NELL2: variants seen among roughly 807,000 people sequenced by gnomAD.
NELL2 encodes the protein protein kinase C-binding protein NELL2.
NELL2 carries 41 observed loss-of-function variants against 109.6 expected under a neutral mutation model. The ratio of observed to expected loss-of-function variants is 0.37; its 90% CI spans 0.29 to 0.49. The LOEUF is 0.49. Among genes scored for constraint, NELL2 ranks in the 20% least tolerant of loss-of-function variants. NELL2 has a pLI of 0.98. For synonymous variants in NELL2, 355 were observed against 344.7 expected, an observed-to-expected ratio of 1.03 and a Z score of -0.33; for missense variants, 900 against 1,008.3, an observed-to-expected ratio of 0.89 and a Z score of 1.45.
At chr12:44,758,482 CAAT>C (rs1178080491) in intron 9 of NELL2, among the ~76,000 whole-genome samples, 2 of 152,152 alleles carry the variant, frequency 1.3e-5, no homozygotes, top group Non-Finnish European at 2.9e-5. Context: ...TGCGCAAGCA[CAAT>C]AATCTCAACT....
At position 44,779,386 on chromosome 12, in the gene NELL2, T is replaced by G. The variant is rs148030634; in HGVS notation, c.606+277A>C. Among the ~76,000 whole-genome samples, 616 of 152,290 alleles carry G rather than the reference T, an allele frequency of 4.0e-3. 13 individuals carry two copies. The highest frequency in any genetic ancestry group is 0.028 in the East Asian group (146 of 5,180). The stretch of plus-strand genomic sequence containing the variant: ...TGTATGTTAACATTTTAGATTTTTA[T>G]TGCTTTGAAAGGTTAATTCAAAGAA... On this transcript the variant is annotated intron_variant, in intron 5 of 19. Transcript: ENST00000429094.
chr12:44,663,329 C>T (rs1000746739), intron 13 of NELL2, among the ~76,000 whole-genome samples: 2 of 151,822 alleles, frequency 1.3e-5, no homozygotes, highest in African/African-American at 4.8e-5. Context: ...AAAAAAAATC[C>T]AAGTTTTGTG....
intron 11 of NELL2, 36 bp from the exon 12 acceptor site, chr12:44,703,890 A>G (rs1203303580): frequency 6.4e-7 from 1 of 1,559,700 alleles, no homozygotes; most frequent in Non-Finnish European, 8.7e-7. Flanking sequence ...AAGGTAAATG[A>G]AACTATGACA....
intron 11 of NELL2, among the ~76,000 whole-genome samples, chr12:44,709,371 A>G (rs1434330842): frequency 6.6e-6 from 1 of 152,152 alleles, no homozygotes; most frequent in African/African-American, 2.4e-5. Flanking sequence ...TAGATTACGT[A>G]GAGAGGGAGG....
intron 15 of NELL2, among the ~76,000 whole-genome samples, chr12:44,587,271 C>CAAAAAA (rs1194091069): frequency 0.13 from 3,405 of 25,404 alleles, 289 homozygotes; most frequent in Middle Eastern, 0.21. Context: ...GACTCCGTCT[C>CAAAAAA]AAAAAAAAAA....
At chr12:44,637,351 C>A (rs1293555410) in intron 13 of NELL2, among the ~76,000 whole-genome samples, 1 of 150,424 alleles carries the variant, frequency 6.6e-6, no homozygotes, top group Non-Finnish European at 1.5e-5. Context: ...TGACCACCTA[C>A]CCTATATGAG....
chr12:44,862,570 T>C (rs573950895), intron 2 of NELL2, among the ~76,000 whole-genome samples: 5 of 152,360 alleles, frequency 3.3e-5, no homozygotes, highest in African/African-American at 1.2e-4. Context: ...TATTTTCACA[T>C]TGAAAATCAG....
chr12:44,538,155 T>C (rs1383962287), intron 15 of NELL2, among the ~76,000 whole-genome samples: 4 of 152,204 alleles, frequency 2.6e-5, no homozygotes, highest in Non-Finnish European at 5.9e-5. Flanking sequence ...CAGAACCCTT[T>C]CAACTCCAAG....
intron 12 of NELL2, 72 bp from the exon 13 acceptor site, chr12:44,665,681 T>C: frequency 6.9e-7 from 1 of 1,458,894 alleles, no homozygotes; most frequent in Non-Finnish European, 9.2e-7. Context: ...TTTTCTTTGG[T>C]AGGGAGAGGG....
At chr12:44,873,572 T>C (rs1341581351) in intron 2 of NELL2, among the ~76,000 whole-genome samples, 1 of 152,140 alleles carries the variant, frequency 6.6e-6, no homozygotes, top group Non-Finnish European at 1.5e-5. Flanking sequence ...TAATAAAATT[T>C]AAAGGAGCTT....
chr12:44,669,788 T>C (rs138515090), intron 12 of NELL2, among the ~76,000 whole-genome samples: 70 of 152,238 alleles, frequency 4.6e-4, no homozygotes, highest in African/African-American at 1.5e-3. Flanking sequence ...TAACTAAAAT[T>C]TGAATTTTGG....
intron 13 of NELL2, among the ~76,000 whole-genome samples, chr12:44,620,516 C>T (rs1268014140): frequency 6.6e-6 from 1 of 152,108 alleles, no homozygotes; most frequent in Non-Finnish European, 1.5e-5. Context: ...CATTTCCATC[C>T]TCAGCACATT....
At chr12:44,822,229 A>G (rs1943569745) in intron 2 of NELL2, among the ~76,000 whole-genome samples, 1 of 152,154 alleles carries the variant, frequency 6.6e-6, no homozygotes, top group African/African-American at 2.4e-5. Flanking sequence ...CATAGCATGT[A>G]GTAAAGACCA....
intron 9 of NELL2, among the ~76,000 whole-genome samples, chr12:44,755,319 A>G (rs10880672): frequency 0.69 from 104,337 of 151,582 alleles, 36,199 homozygotes; most frequent in Non-Finnish European, 0.74. Flanking sequence ...CCCACAAAAA[A>G]TATCTGCTCT....
chr12:44,660,511 T>G (rs1180189825), intron 13 of NELL2, among the ~76,000 whole-genome samples: 1 of 152,170 alleles, frequency 6.6e-6, no homozygotes, highest in Non-Finnish European at 1.5e-5. Context: ...ATCCCAGTAG[T>G]AACCGCTTCC....
rs563008829 is a variant in NELL2, at chr12:44,665,788, T to C, written c.1319-179A>G. Among the ~76,000 whole-genome samples, 39 of 152,356 alleles carry C rather than the reference T, an allele frequency of 2.6e-4. 2 individuals are homozygous for C. Among genetic ancestry groups the C allele is most frequent in the Middle Eastern group, 6.8e-3 (2 of 294 alleles). ...TCAAATGACAAAAATCATGAGTTTT[T>C]TTCCAACAGCTCTTCTTGGAGTTTT... On this transcript the variant is annotated intron_variant, in intron 12 of 19. Transcript: ENST00000429094.
At chr12:44,899,892 G>C (rs902800240) in intron 1 of NELL2, among the ~76,000 whole-genome samples, 5 of 152,130 alleles carry the variant, frequency 3.3e-5, no homozygotes, top group Admixed American at 6.5e-5. Context: ...ACACACATAG[G>C]CTCAAAATAA....
chr12:44,680,953 C>A (rs1948475764), intron 12 of NELL2, among the ~76,000 whole-genome samples: 1 of 152,060 alleles, frequency 6.6e-6, no homozygotes, highest in African/African-American at 2.4e-5. Flanking sequence ...CACAACAGAT[C>A]TCAAATATGA....
At chr12:44,641,157 T>C (rs1314885773) in intron 13 of NELL2, among the ~76,000 whole-genome samples, 1 of 152,140 alleles carries the variant, frequency 6.6e-6, no homozygotes, top group African/African-American at 2.4e-5. Context: ...TCATTTTACA[T>C]TAAAAATAAA....
Sources: gnomAD v4.1 joint callset for allele counts (sites outside exome capture counted in the v4.1 genomes callset) on GRCh38, gnomAD v4.1.1 for gene constraint, MANE v1.5 for transcripts, NCBI Gene and HGNC (gene_info 2026-07-23, HGNC 2026-07-21) for gene names.